TULP4: variants seen among roughly 807,000 people sequenced by gnomAD.
TULP4 encodes TUB like protein 4.
A neutral mutation model predicts 129.0 loss-of-function variants in TULP4; 16 were observed. The ratio of observed to expected loss-of-function variants is 0.12; its 90% CI spans 0.08 to 0.19. The LOEUF (loss-of-function observed/expected upper bound fraction) is 0.19, where lower values mean the gene tolerates loss of function less well. Ranked by LOEUF, TULP4 falls within the 10% of genes least tolerant of loss-of-function variation. The pLI is 1.00. For synonymous variants in TULP4, 998 were observed against 854.0 expected (o/e 1.17, Z -2.94); for missense variants, 1,842 against 2,059.1 (o/e 0.89, Z 2.04).
chr6:158,501,771 C>G lies in TULP4; in HGVS notation c.2108C>G (p.Pro703Arg). Residue 703 changes from proline to arginine, a missense_variant, in exon 13 of 14, where the codon CCC becomes CGC. Coordinates refer to ENST00000367097, the MANE Select transcript of TULP4 (RefSeq NM_020245.5). ...CACAGCTCGGCTCAGGCTATGTCCC[C>G]CACGCAGAGCATAGGGCTGGTGCAG... ...PIHSSAQAMS[P>R]TQSIGLVQSL... 6.2e-7 allele frequency: 1 copy of G among 1,614,174 alleles called. No homozygotes were observed. Among genetic ancestry groups the G allele is most frequent in the Non-Finnish European group, 8.5e-7 (1 of 1,180,032 alleles).
chr6:158,283,911 C>T (rs925030250), intron 1 of TULP4, among the ~76,000 whole-genome samples: 11 of 152,062 alleles, frequency 7.2e-5, no homozygotes, highest in East Asian at 5.8e-4. Flanking sequence ...GTAGTTTCTG[C>T]GCCCATTTAA....
rs548195414 is a variant in TULP4, at chr6:158,251,295, C to T, written n.68+18992C>T. Among the ~76,000 whole-genome samples the T allele has an allele frequency of 4.6e-5, 7 of 152,118 alleles. No homozygotes were observed. The East Asian group carries it at 1.2e-3, about 25-fold the overall frequency. The stretch of plus-strand genomic sequence containing the variant: ...ACCTTCAGCTACTGAATTTTTAGTT[C>T]GGTGGTTTAATACGGTCATACTCTT... On this transcript the variant is annotated intron_variant and non_coding_transcript_variant, in intron 1 of 1. Coordinates refer to the TULP4 transcript ENST00000620026.
intron 3 of TULP4, among the ~76,000 whole-genome samples, chr6:158,434,035 T>C (rs1377199671): frequency 6.6e-6 from 1 of 152,190 alleles, no homozygotes; most frequent in Non-Finnish European, 1.5e-5. Flanking sequence ...ACACCTGCCT[T>C]CTTATTGTGT....
At chr6:158,324,419 C>G (rs77628342) in intron 1 of TULP4, among the ~76,000 whole-genome samples, 71 of 152,186 alleles carry the variant, frequency 4.7e-4, no homozygotes, top group Non-Finnish European at 9.3e-4. Context: ...CACTGTGGAC[C>G]AGTGTGGTCA....
chr6:158,308,237 A>G (rs1298744835), upstream of TULP4, among the ~76,000 whole-genome samples: 1 of 131,100 alleles, frequency 7.6e-6, no homozygotes, highest in Non-Finnish European at 1.6e-5. Context: ...CATCTGTTTA[A>G]CAAAGCACAT....
At chr6:158,335,269 T>A (rs1488465888) in intron 1 of TULP4, among the ~76,000 whole-genome samples, 1 of 82,512 alleles carries the variant, frequency 1.2e-5, no homozygotes, top group African/African-American at 4.7e-5. Flanking sequence ...AGAGCGAGAC[T>A]GTCTCAAAAA....
At chr6:158,254,344 T>C (rs370844853) in intron 1 of TULP4, among the ~76,000 whole-genome samples, 3 of 152,132 alleles carry the variant, frequency 2.0e-5, no homozygotes, top group East Asian at 1.9e-4. Context: ...GGTTTTGCCA[T>C]GTTGGCCAGG....
chr6:158,257,515 A>G (rs1778271792), intron 1 of TULP4, among the ~76,000 whole-genome samples: 1 of 152,248 alleles, frequency 6.6e-6, no homozygotes, highest in South Asian at 2.1e-4. Flanking sequence ...ATGGTGTGTC[A>G]TGTTTCAACC....
intron 6 of TULP4, among the ~76,000 whole-genome samples, chr6:158,474,412 T>G (rs1350033160): frequency 6.6e-6 from 1 of 152,230 alleles, no homozygotes; most frequent in Non-Finnish European, 1.5e-5. Context: ...AGTTGGTTTT[T>G]GTTCCTCCTA....
At chr6:158,365,520 A>G (rs1780918086) in intron 1 of TULP4, among the ~76,000 whole-genome samples, 1 of 141,994 alleles carries the variant, frequency 7.0e-6, no homozygotes, top group African/African-American at 2.7e-5. Flanking sequence ...TCTGTTGCCC[A>G]GGCTGGAGTG....
At chr6:158,277,921 G>C (rs1778675554), upstream of TULP4, among the ~76,000 whole-genome samples, 1 of 152,130 alleles carries the variant, frequency 6.6e-6, no homozygotes, top group South Asian at 2.1e-4. Flanking sequence ...AGGCAACTCT[G>C]TTTCCTTCAC....
intron 3 of TULP4, among the ~76,000 whole-genome samples, chr6:158,442,300 A>C (rs939389461): frequency 6.6e-6 from 1 of 152,186 alleles, no homozygotes; most frequent in African/African-American, 2.4e-5. Flanking sequence ...AATATATTTC[A>C]GTGTGTTTTG....
chr6:158,391,205 G>A (rs1480040923), intron 1 of TULP4, among the ~76,000 whole-genome samples: 3 of 152,182 alleles, frequency 2.0e-5, no homozygotes, highest in East Asian at 1.9e-4. Flanking sequence ...GGGCAGGTAA[G>A]GGATGGGTGT....
chr6:158,331,718 C>G (rs868766742), intron 1 of TULP4, among the ~76,000 whole-genome samples: 1 of 48,380 alleles, frequency 2.1e-5, no homozygotes. Flanking sequence ...CACACACACA[C>G]ACACACACAC....
intron 1 of TULP4, among the ~76,000 whole-genome samples, chr6:158,275,569 G>A (rs762710264): frequency 1.3e-5 from 2 of 152,100 alleles, no homozygotes; most frequent in African/African-American, 2.4e-5. Context: ...TCTAACCCAC[G>A]GCAGCGCTTT....
At chr6:158,492,005 A>T (rs1408505997) in intron 9 of TULP4, among the ~76,000 whole-genome samples, 1 of 151,582 alleles carries the variant, frequency 6.6e-6, no homozygotes, top group Non-Finnish European at 1.5e-5. Context: ...ACTATAGGCA[A>T]GCGCCACCAC....
At chr6:158,364,880 C>CTT (rs1583798812) in intron 1 of TULP4, among the ~76,000 whole-genome samples, 1 of 152,034 alleles carries the variant, frequency 6.6e-6, no homozygotes, top group Non-Finnish European at 1.5e-5. Context: ...GGACTACAGG[C>CTT]GCCCGCCACC....
chr6:158,486,717 C>T (rs1780079846), intron 8 of TULP4, among the ~76,000 whole-genome samples: 1 of 152,136 alleles, frequency 6.6e-6, no homozygotes, highest in Non-Finnish European at 1.5e-5. Flanking sequence ...ATTGGAGCCA[C>T]CCAAGTCTGT....
intron 3 of TULP4, among the ~76,000 whole-genome samples, chr6:158,438,657 T>G: frequency 6.6e-6 from 1 of 152,140 alleles, no homozygotes; most frequent in East Asian, 1.9e-4. Context: ...TGATCTCAGC[T>G]CACTGCAACC....
Sources: allele counts gnomAD v4.1 joint callset (sites outside exome capture counted in the v4.1 genomes callset), GRCh38; gene constraint gnomAD v4.1.1; transcripts MANE v1.5; gene names NCBI Gene and HGNC (gene_info 2026-07-23, HGNC 2026-07-21).